The following TTC14 variants were observed in gnomAD, a reference collection of about 807,000 sequenced individuals.
TTC14 encodes tetratricopeptide repeat protein 14.
A neutral mutation model predicts 79.9 loss-of-function variants in TTC14; 63 were observed. That is an observed-to-expected ratio of 0.79 (90% CI 0.64 to 0.97). TTC14 has a LOEUF of 0.97. TTC14 is among the 50% of genes least tolerant of loss of function. The pLI, the probability that TTC14 is intolerant of heterozygous loss-of-function variation, is 0.00. For missense variants in TTC14, 895 were observed against 894.0 expected (o/e 1.00, Z -0.01); for synonymous variants, 335 against 309.6 (o/e 1.08, Z -0.86).
Position 180,608,819 on chromosome 3 carries a change from TA to T in TTC14, c.1400+11del. 6.7e-7 allele frequency: 1 copy of T among 1,493,828 alleles called. No homozygotes were observed. 92.5% of individuals were successfully genotyped at this position (1,493,828 alleles called of 1,614,324 possible). ...TTAAAAGAAGAGAAGAGGTAAACTATAATATTCAGTATTTTTAAACTTAAGG... is the reference window on the plus strand; with the variant it reads ...TTAAAAGAAGAGAAGAGGTAAACTATATATTCAGTATTTTTAAACTTAAGG... On this transcript the variant is annotated intron_variant, in intron 11 of 11. Coordinates refer to ENST00000296015, the MANE Select transcript of TTC14 (RefSeq NM_133462.4).
intron 10 of TTC14, chr3:180,608,457 CT>C: frequency 3.9e-6 from 4 of 1,035,740 alleles, no homozygotes; most frequent in Non-Finnish European, 2.3e-6. Context: ...ATGGCTTCCC[CT>C]TTTTTTATGG....
rs1716763049 is a variant in TTC14, at chr3:180,607,591, A to G, written c.1173-57A>G. The G allele has an allele frequency of 5.1e-6, 8 of 1,556,092 alleles. No homozygotes were observed. In the South Asian group the frequency reaches 6.1e-5, roughly 12 times the overall value. On this transcript the variant is annotated intron_variant, in intron 9 of 11. Coordinates refer to ENST00000296015, the MANE Select transcript of TTC14 (RefSeq NM_133462.4). The stretch of plus-strand genomic sequence containing the variant: ...TCATATAAGCCTTTGACCTGTATGC[A>G]TATTTGGATAGTTTTGTTGTTTTTA...
At chr3:180,616,123 T>A (rs1717226666), downstream of TTC14, among the ~76,000 whole-genome samples, 1 of 152,218 alleles carries the variant, frequency 6.6e-6, no homozygotes, top group Non-Finnish European at 1.5e-5. Context: ...CTGCATCTAA[T>A]CTATATGATG....
In TTC14 at chr3:180,609,618, T is replaced by G. The variant is rs1716876809; in HGVS notation, c.1401-12T>G. 1 of 1,531,154 alleles carries G rather than the reference T, an allele frequency of 6.5e-7. No homozygotes were observed. The allele number at this position is 1,531,154 out of a possible 1,614,324, so 94.8% of individuals were successfully genotyped here. On this transcript the variant is annotated splice_polypyrimidine_tract_variant and intron_variant, in intron 11 of 11. Transcript: ENST00000296015. ...TTTTGTATATATATGACAAATGAAC[T>G]GTTTTTTTTAGGCTAAAGAAGAAAA...
Position 180,608,770 on chromosome 3 carries a change from A to G in TTC14, c.1360A>G (p.Ser454Gly). The change falls in exon 11 of 12, where the codon AGT becomes GGT. Residue 454 changes from serine (S) to glycine (G), a missense_variant. By Grantham distance (56) the Ser-to-Gly change is moderately conservative. Transcript: ENST00000296015. ...EKQKTKKIET[S>G]AEKLRKLLKE... ...GCAGAAAACAAAGAAAATAGAAACA[A>G]GTGCAGAAAAGTTGCGTAAGCTCTT... is the stretch of plus-strand genomic sequence containing the variant. 1 of 1,562,420 alleles carries G rather than the reference A, an allele frequency of 6.4e-7. No homozygotes were observed. Among genetic ancestry groups the G allele is most frequent in the Non-Finnish European group, 8.6e-7 (1 of 1,158,552 alleles).
intron 10 of TTC14, chr3:180,608,029 C>G: frequency 6.2e-6 from 7 of 1,135,616 alleles, no homozygotes; most frequent in Non-Finnish European, 7.6e-6. Context: ...GGGAGCTCAC[C>G]TGGTGGTTTT....
Position 180,606,578 on chromosome 3 carries a change from C to G in TTC14, c.1147C>G (p.Gln383Glu). The change falls in exon 9 of 12, where the codon CAG (glutamine) becomes GAG (glutamate). Residue 383 changes from glutamine to glutamate, a missense_variant. Transcript: ENST00000296015. ...THRNARKYLC[Q>E]TLVERGGQLE... is the part of the protein sequence containing the mutation. ...CAGAAATGCAAGAAAATACCTCTGC[C>G]AGACACTTGTAGAGAGAGGAGGACA... 6.2e-7 allele frequency: 1 copy of G among 1,613,926 alleles called. No homozygotes were observed. The highest frequency in any genetic ancestry group is 8.5e-7 in the Non-Finnish European group (1 of 1,179,888).
At position 180,610,052 on chromosome 3, in the gene TTC14, C is replaced by A. The variant is rs1169086072; in HGVS notation, c.1823C>A (p.Ala608Glu). The A allele has an allele frequency of 6.2e-7, 1 of 1,613,806 alleles. No homozygotes were observed. Among genetic ancestry groups the A allele is most frequent in the African/African-American group, 1.3e-5 (1 of 74,882 alleles). ...RDFYNSYKTQ[A>E]GSSKTEKPYK... ...TTTTATAACAGCTATAAAACCCAAG[C>A]AGGTAGTAGCAAAACAGAAAAGCCA... is the stretch of plus-strand genomic sequence containing the variant. The change falls in exon 12 of 12, where the codon GCA becomes GAA. Residue 608 changes from alanine (A) to glutamate (E), a missense_variant. Transcript: ENST00000296015.
downstream of TTC14, among the ~76,000 whole-genome samples, chr3:180,618,154 C>G (rs1717319167): frequency 6.6e-6 from 1 of 152,160 alleles, no homozygotes; most frequent in African/African-American, 2.4e-5. Flanking sequence ...TGTAAGTACA[C>G]TCTTATGATG....
chr3:180,614,751 G>T, downstream of TTC14: 1 of 561,802 alleles, frequency 1.8e-6, no homozygotes, highest in South Asian at 2.7e-5. Flanking sequence ...TCAGTATGAA[G>T]AAAACAGTAG....
intron 9 of TTC14, 88 bp from the exon 10 acceptor site, chr3:180,607,557 TAAG>T (rs1716760779): frequency 1.4e-6 from 2 of 1,408,240 alleles, no homozygotes; most frequent in Non-Finnish European, 1.9e-6. Context: ...TTTTCCCTAA[TAAG>T]CTCTCTCATA....
At position 180,602,176 on chromosome 3, in the gene TTC14, C is replaced by T. The variant is rs562460554; in HGVS notation, c.-86C>T. ...CCGGCAGCCTCCAGACAGTTTCTTC[C>T]GCTTCCTGTACCACCCGGCTCAAGT... On this transcript the variant is annotated 5_prime_UTR_variant, in exon 1 of 12. Coordinates refer to ENST00000296015, the MANE Select transcript of TTC14 (RefSeq NM_133462.4). 30 of 1,531,380 alleles carry T rather than the reference C, an allele frequency of 2.0e-5. No individual in the cohort carries two copies. In the East Asian group the frequency reaches 6.5e-4, roughly 33 times the overall value. 94.9% of individuals were successfully genotyped at this position (1,531,380 alleles called of 1,614,324 possible). A position where few individuals can be genotyped will look rare whatever the true frequency, so the allele number is the denominator to read the frequency against.
At chr3:180,609,151 A>T (rs1716852027) in intron 11 of TTC14, 1 of 694,652 alleles carries the variant, frequency 1.4e-6, no homozygotes, top group African/African-American at 1.9e-5. Flanking sequence ...ATGTGGAGAC[A>T]TTTTTGATTG....
chr3:180,607,221 T>G (rs1305930092), intron 9 of TTC14, among the ~76,000 whole-genome samples: 2 of 152,198 alleles, frequency 1.3e-5, no homozygotes, highest in Admixed American at 1.3e-4. Context: ...GTGAAATTCA[T>G]CTAATGATTA....
downstream of TTC14, among the ~76,000 whole-genome samples, chr3:180,611,495 T>A (rs139705606): frequency 6.6e-6 from 1 of 152,276 alleles, no homozygotes; most frequent in East Asian, 1.9e-4. Flanking sequence ...CCTTGATGCT[T>A]CTCTGATGAC....
intron 9 of TTC14, among the ~76,000 whole-genome samples, 165 bp downstream of exon 9, chr3:180,606,768 A>G (rs1024077787): frequency 6.6e-6 from 1 of 152,242 alleles, no homozygotes; most frequent in Non-Finnish European, 1.5e-5. Context: ...CTTTTCCTAG[A>G]TAATATACTC....
chr3:180,616,631 T>C, intron 12 of TTC14: 1 of 1,596,086 alleles, frequency 6.3e-7, no homozygotes, highest in South Asian at 1.1e-5. Flanking sequence ...TTTGATGTCT[T>C]GTTCTTCCAT....
Position 180,611,116 on chromosome 3 carries a change from G to T in TTC14, c.*574G>T, listed in dbSNP as rs1446532641. 5 of 985,012 alleles carry T rather than the reference G, an allele frequency of 5.1e-6. No individual in the cohort carries two copies. The highest frequency in any genetic ancestry group is 6.0e-6 in the Non-Finnish European group (5 of 829,802). The allele number at this position is 985,012 out of a possible 1,614,324, so 61.0% of individuals were successfully genotyped here. On this transcript the variant is annotated 3_prime_UTR_variant, in exon 12 of 12. Coordinates refer to ENST00000296015, the MANE Select transcript of TTC14 (RefSeq NM_133462.4). ...CTAAAGCCCAATTTGATTAAAAGTGGTTTGTGAACAGTCATTGGCTTCCAC... is the reference window on the plus strand; with the variant it reads ...CTAAAGCCCAATTTGATTAAAAGTGTTTTGTGAACAGTCATTGGCTTCCAC...
At chr3:180,604,446 A>ACTTTTC in intron 4 of TTC14, 32 bp from the exon 5 acceptor site, 1 of 1,574,110 alleles carries the variant, frequency 6.4e-7, no homozygotes, top group Non-Finnish European at 8.6e-7. Context: ...TTTCTTACTA[A>ACTTTTC]TCAGCTTAGT....
Sources: gnomAD v4.1 joint callset for allele counts (sites outside exome capture counted in the v4.1 genomes callset) on GRCh38, gnomAD v4.1.1 for gene constraint, MANE v1.5 for transcripts, NCBI Gene and HGNC (gene_info 2026-07-23, HGNC 2026-07-21) for gene names.